The following OR5V1 variants were observed in gnomAD, a reference collection of about 807,000 sequenced individuals.
OR5V1 encodes olfactory receptor family 5 subfamily V member 1.
For missense variants in OR5V1, 365 were observed against 371.5 expected (o/e 0.98, Z 0.14); for synonymous variants, 134 against 143.2 (o/e 0.94, Z 0.46).
Position 29,355,506 on chromosome 6 carries a change from G to A in OR5V1, c.690C>T (p.Ser230=). 1 of 1,613,840 alleles carries A rather than the reference G, an allele frequency of 6.2e-7. No individual in the cohort carries two copies. Among genetic ancestry groups the A allele is most frequent in the Non-Finnish European group, 8.5e-7 (1 of 1,179,770 alleles). The stretch of plus-strand genomic sequence containing the variant: ...AGAAGGCTTTTCGTCTTCCCTCTGA[G>A]GACTGGATCCTCAAGATGGTGGAGA... ...CIISTILRIQ[S]SEGRRKAFST... The change falls in exon 2 of 2, where the codon TCC becomes TCT. Residue 230 remains serine (S), a synonymous_variant. Coordinates refer to ENST00000641768, the MANE Select transcript of OR5V1 (RefSeq NM_030876.6).
At chr6:29,359,003 G>C (rs1488150448) in intron 1 of OR5V1, among the ~76,000 whole-genome samples, 1 of 152,130 alleles carries the variant, frequency 6.6e-6, no homozygotes, top group Non-Finnish European at 1.5e-5. Flanking sequence ...TTAGCCTGCT[G>C]TACTCATTCC....
Position 29,355,262 on chromosome 6 carries a change from T to A in OR5V1, c.934A>T (p.Ile312Phe). Residue 312 changes from isoleucine to phenylalanine, a missense_variant, in exon 2 of 2, where the codon ATT (isoleucine) becomes TTT (phenylalanine). By Grantham distance (21) the Ile-to-Phe change is conservative (BLOSUM62 0). Transcript: ENST00000641768. ...GTGAGTTTACTATCCAAAGAGGAAATTGGTGGCTGCCACTTGCTCCCTATA... is the reference window on the plus strand; with the variant it reads ...GTGAGTTTACTATCCAAAGAGGAAAATGGTGGCTGCCACTTGCTCCCTATA... Reference protein sequence around the residue: ...KTIGSKWQPPISSLDSKLTY With the variant: ...KTIGSKWQPPFSSLDSKLTY The A allele has an allele frequency of 6.2e-7, 1 of 1,604,144 alleles. No individual in the cohort carries two copies. Among genetic ancestry groups the A allele is most frequent in the Non-Finnish European group, 8.5e-7 (1 of 1,176,964 alleles).
intron 1 of OR5V1, among the ~76,000 whole-genome samples, chr6:29,367,274 A>G (rs1778899799): frequency 6.6e-6 from 1 of 152,112 alleles, no homozygotes; most frequent in African/African-American, 2.4e-5. Context: ...TGGAAAATCT[A>G]TAGGCATTTG....
Position 29,355,461 on chromosome 6 carries a change from C to A in OR5V1, c.735G>T (p.Leu245=), listed in dbSNP as rs755554989. 9 of 1,613,846 alleles carry A rather than the reference C, an allele frequency of 5.6e-6. No individual in the cohort carries two copies. In the African/African-American group the frequency reaches 1.1e-4, roughly 19 times the overall value. The change falls in exon 2 of 2, where the codon CTG becomes CTT. Residue 245 remains leucine (L), a synonymous_variant. Transcript: ENST00000641768. ...TGCCATAAAAGAGAAAGACAATGGC[C>A]AGGTGGGAGGCACATGTAGAGAAGG... ...RKAFSTCASH[L]AIVFLFYGSA... is the part of the protein sequence containing the mutation.
rs1001658590 is a variant in OR5V1, at chr6:29,355,221, C to A, written c.*9G>T. 1.3e-6 allele frequency: 2 copies of A among 1,560,760 alleles called. No individual in the cohort carries two copies. Among genetic ancestry groups the A allele is most frequent in the South Asian group, 2.5e-5 (2 of 80,646 alleles). On this transcript the variant is annotated 3_prime_UTR_variant, in exon 2 of 2. Transcript: ENST00000641768. ...ATTTTGTAGTATAAGATTATTGAACCTGTGAGGTTCAATAAGTGAGTTTAC... is the reference window on the plus strand; with the variant it reads ...ATTTTGTAGTATAAGATTATTGAACATGTGAGGTTCAATAAGTGAGTTTAC...
At chr6:29,357,665 G>A (rs1385608186) in intron 1 of OR5V1, among the ~76,000 whole-genome samples, 4 of 152,006 alleles carry the variant, frequency 2.6e-5, no homozygotes, top group Non-Finnish European at 5.9e-5. Context: ...TCAATTTCTA[G>A]TGTAGTTTTT....
chr6:29,356,482 G>A (rs1778315812), intron 1 of OR5V1, among the ~76,000 whole-genome samples: 1 of 152,098 alleles, frequency 6.6e-6, no homozygotes. Context: ...GACACCATAT[G>A]TCCTAGAGTT....
At chr6:29,364,518 G>GGCATCATGTTA (rs1197173298) in intron 1 of OR5V1, among the ~76,000 whole-genome samples, 64 of 26,818 alleles carry the variant, frequency 2.4e-3, no homozygotes, top group Admixed American at 4.5e-3. Flanking sequence ...ACAAAGCTGG[G>GGCATCATGTTA]CCGGGCGCGG....
In OR5V1 at chr6:29,355,929, T is replaced by C. The variant is rs756249482; in HGVS notation, c.267A>G (p.Lys89=). 8 of 1,614,088 alleles carry C rather than the reference T, an allele frequency of 5.0e-6. No homozygotes were observed. In the South Asian group the frequency reaches 5.5e-5, roughly 11 times the overall value. The change falls in exon 2 of 2, where the codon AAA becomes AAG. Residue 89 remains lysine (K), a synonymous_variant. Transcript: ENST00000641768. The stretch of plus-strand genomic sequence containing the variant: ...CACACCCCACATAAGAAATGCTTTT[T>C]TTCTTTGAGAGGAGGTGCACCATCA... The part of the protein sequence containing the change: ...PQMMVHLLSK[K]KSISYVGCVV...
chr6:29,366,309 TTAAAG>T (rs1316071027), intron 1 of OR5V1, among the ~76,000 whole-genome samples: 24 of 134,680 alleles, frequency 1.8e-4, no homozygotes, highest in South Asian at 7.5e-4. Flanking sequence ...ATCCCTGAAC[TTAAAG>T]TAAAGTATAT....
rs1562921138 is a variant in OR5V1, at chr6:29,353,825, A to G, written c.*1405T>C. On this transcript the variant is annotated 3_prime_UTR_variant, in exon 2 of 2. Transcript: ENST00000641768. ...GGAGATGAGTTACAAAGTAGGTAGT[A>G]CTTAGATTTTATAGACAGTGGTTAC... is the stretch of plus-strand genomic sequence containing the variant. 1 of 152,092 alleles carries G rather than the reference A, an allele frequency of 6.6e-6. No homozygotes were observed. Among genetic ancestry groups the G allele is most frequent in the Non-Finnish European group, 1.5e-5 (1 of 67,952 alleles). The allele number at this position is 152,092 out of a possible 1,614,324, so 9.4% of individuals were successfully genotyped here. A position where few individuals can be genotyped will look rare whatever the true frequency, so the allele number is the denominator to read the frequency against.
chr6:29,356,265 G>T lies in OR5V1; in HGVS notation c.-70C>A. The T allele has an allele frequency of 1.4e-6, 2 of 1,476,592 alleles. No individual in the cohort carries two copies. Among genetic ancestry groups the T allele is most frequent in the Non-Finnish European group, 1.8e-6 (2 of 1,102,698 alleles). 91.5% of individuals were successfully genotyped at this position (1,476,592 alleles called of 1,614,324 possible). Reference sequence around the variant, plus strand: ...AGATTATAAAAATGAATCATATGCTGCAATAGCATGACCTGAAAAATAAGG... The same window carrying T: ...AGATTATAAAAATGAATCATATGCTTCAATAGCATGACCTGAAAAATAAGG... On this transcript the variant is annotated 5_prime_UTR_variant, in exon 2 of 2. Transcript: ENST00000641768.
At position 29,356,280 on chromosome 6, in the gene OR5V1, G is replaced by A; in HGVS notation, c.-82-3C>T. On this transcript the variant is annotated splice_polypyrimidine_tract_variant and splice_region_variant and intron_variant, in intron 1 of 1. Transcript: ENST00000641768. ...ATCATATGCTGCAATAGCATGACCT[G>A]AAAAATAAGGGAAAAAACGGTTACA... The A allele has an allele frequency of 7.0e-7, 1 of 1,420,248 alleles. No homozygotes were observed. Among genetic ancestry groups the A allele is most frequent in the South Asian group, 1.5e-5 (1 of 67,938 alleles). 88.0% of individuals were successfully genotyped at this position (1,420,248 alleles called of 1,614,324 possible).
At chr6:29,362,835 G>A (rs1380486169) in intron 1 of OR5V1, among the ~76,000 whole-genome samples, 1 of 151,932 alleles carries the variant, frequency 6.6e-6, no homozygotes, top group African/African-American at 2.4e-5. Flanking sequence ...AAATGCCCAC[G>A]TCAGAAAGCA....
intron 1 of OR5V1, among the ~76,000 whole-genome samples, chr6:29,367,821 CAG>C (rs1778926339): frequency 6.6e-6 from 1 of 152,168 alleles, no homozygotes; most frequent in Non-Finnish European, 1.5e-5. Context: ...GTATTTCACA[CAG>C]AGTTATAGGA....
Position 29,354,749 on chromosome 6 carries a change from C to A in OR5V1, c.*481G>T, listed in dbSNP as rs1778172123. The stretch of plus-strand genomic sequence containing the variant: ...ACCAACAGATCTGGAGGTAAAACAT[C>A]ACTTTACTGTGTTTACATTTCTTAA... On this transcript the variant is annotated 3_prime_UTR_variant, in exon 2 of 2. Transcript: ENST00000641768. The A allele has an allele frequency of 6.6e-6, 1 of 152,388 alleles. No homozygotes were observed. Among genetic ancestry groups the A allele is most frequent in the Admixed American group, 6.6e-5 (1 of 15,260 alleles). The allele number at this position is 152,388 out of a possible 1,614,324, so 9.4% of individuals were successfully genotyped here.
At chr6:29,367,469 C>G (rs945806630) in intron 1 of OR5V1, among the ~76,000 whole-genome samples, 1 of 152,084 alleles carries the variant, frequency 6.6e-6, no homozygotes, top group Admixed American at 6.6e-5. Context: ...GAATATAAGG[C>G]AGTATAGCAA....
intron 1 of OR5V1, among the ~76,000 whole-genome samples, chr6:29,368,308 C>G (rs1333410927): frequency 6.6e-6 from 1 of 152,142 alleles, no homozygotes; most frequent in Non-Finnish European, 1.5e-5. Context: ...TCTCTGCAGT[C>G]CAGTGGCATT....
chr6:29,355,617 A>C lies in OR5V1; in HGVS notation c.579T>G (p.Ser193=), dbSNP rs1221716179. The C allele has an allele frequency of 8.1e-6, 13 of 1,613,904 alleles. No individual in the cohort carries two copies. Among genetic ancestry groups the C allele is most frequent in the Non-Finnish European group, 7.6e-6 (9 of 1,179,910 alleles). ...PLLILSCGNT[S]VNELALLSTG... Reference sequence around the variant, plus strand: ...TGGATAGCAGTGCCAACTCATTGACAGAAGTGTTTCCACAAGACAAGATCA... The same window carrying C: ...TGGATAGCAGTGCCAACTCATTGACCGAAGTGTTTCCACAAGACAAGATCA... Residue 193 remains serine (S), a synonymous_variant, in exon 2 of 2, where the codon TCT becomes TCG. Transcript: ENST00000641768.
Sources: allele counts gnomAD v4.1 joint callset (sites outside exome capture counted in the v4.1 genomes callset), GRCh38; gene constraint gnomAD v4.1.1; transcripts MANE v1.5; gene names NCBI Gene and HGNC (gene_info 2026-07-23, HGNC 2026-07-21).